The following FBXO40 variants were observed in gnomAD, a reference collection of about 807,000 sequenced individuals.
FBXO40 encodes the protein F-box protein 40.
In FBXO40, 50 loss-of-function variants were observed where a neutral mutation model predicts 49.9. The observed-to-expected ratio is 1.00, with a 90% CI of 0.80 to 1.27. The LOEUF is 1.27. FBXO40 is among the 50% of genes most tolerant of loss of function. The pLI is 0.00. For synonymous variants in FBXO40, 340 were observed against 320.2 expected (o/e 1.06, Z -0.66); for missense variants, 895 against 870.1 (o/e 1.03, Z -0.36).
chr3:121,601,363 C>G (rs1005564289), intron 1 of FBXO40, among the ~76,000 whole-genome samples: 4 of 151,440 alleles, frequency 2.6e-5, no homozygotes, highest in African/African-American at 9.7e-5. Context: ...AGTCACTCAT[C>G]GGGTGTAGCT....
chr3:121,596,919 G>A (rs1026567346), intron 1 of FBXO40, among the ~76,000 whole-genome samples: 5 of 152,130 alleles, frequency 3.3e-5, no homozygotes, highest in South Asian at 2.1e-4. Flanking sequence ...CAATGTTCTC[G>A]TTGACTGAGT....
rs1200661274 is a variant in FBXO40, at chr3:121,621,772, A to C, written c.343A>C (p.Ile115Leu). The C allele has an allele frequency of 1.2e-6, 2 of 1,614,106 alleles. No homozygotes were observed. Among genetic ancestry groups the C allele is most frequent in the Non-Finnish European group, 1.7e-6 (2 of 1,180,028 alleles). Residue 115 changes from isoleucine to leucine, a missense_variant, in exon 3 of 4, where the codon ATC becomes CTC. Ile to Leu is a conservative substitution (Grantham distance 5). Coordinates refer to ENST00000338040, the MANE Select transcript of FBXO40 (RefSeq NM_016298.4). The stretch of plus-strand genomic sequence containing the variant: ...CTCTGAAACCACCCTTCATGAAAAC[A>C]TCATGAAAGAGACCCCCAGTGAGGA... ...VDSETTLHEN[I>L]MKETPSEECL...
At chr3:121,612,710 G>A (rs150101492) in intron 1 of FBXO40, among the ~76,000 whole-genome samples, 122 of 152,154 alleles carry the variant, frequency 8.0e-4, no homozygotes, top group African/African-American at 2.8e-3. Context: ...GTTAGGGGCC[G>A]CTGTAACACC....
intron 1 of FBXO40, among the ~76,000 whole-genome samples, chr3:121,610,864 C>A (rs61798093): frequency 0.12 from 17,829 of 152,150 alleles, 1,521 homozygotes; most frequent in Admixed American, 0.3. Flanking sequence ...TGGTCTCAAA[C>A]TCCTGACCTC....
chr3:121,612,983 T>G lies in FBXO40; in HGVS notation c.-30-7563T>G, dbSNP rs1021520446. ...TACTCGGGAGGCTGAGGCGGGAGAATGGCGAGAACCCGGGAGGCGGAGCTT... is the reference window on the plus strand; with the variant it reads ...TACTCGGGAGGCTGAGGCGGGAGAAGGGCGAGAACCCGGGAGGCGGAGCTT... On this transcript the variant is annotated intron_variant, in intron 1 of 3. Transcript: ENST00000338040. Among the ~76,000 whole-genome samples, 9 of 147,292 alleles carry G rather than the reference T, an allele frequency of 6.1e-5. No homozygotes were observed. The South Asian group carries it at 8.6e-4, about 14-fold the overall frequency.
chr3:121,622,953 G>C lies in FBXO40; in HGVS notation c.1524G>C (p.Gln508His). 6.2e-7 allele frequency: 1 copy of C among 1,614,206 alleles called. No individual in the cohort carries two copies. Among genetic ancestry groups the C allele is most frequent in the Non-Finnish European group, 8.5e-7 (1 of 1,180,050 alleles). Reference protein sequence around the residue: ...DIQSCLNGWFQHRCPLAYLGC... With the variant: ...DIQSCLNGWFHHRCPLAYLGC... Reference sequence around the variant, plus strand: ...AGTCATGTCTCAATGGCTGGTTCCAGCATCGATGCCCCCTCGCCTACTTGG... The same window carrying C: ...AGTCATGTCTCAATGGCTGGTTCCACCATCGATGCCCCCTCGCCTACTTGG... Residue 508 changes from glutamine to histidine, a missense_variant, in exon 3 of 4, where the codon CAG (glutamine) becomes CAC (histidine). Gln to His is a conservative substitution (Grantham distance 24). Coordinates refer to ENST00000338040, the MANE Select transcript of FBXO40 (RefSeq NM_016298.4).
intron 1 of FBXO40, among the ~76,000 whole-genome samples, chr3:121,614,623 C>A (rs2108848697): frequency 6.6e-6 from 1 of 152,182 alleles, no homozygotes; most frequent in Non-Finnish European, 1.5e-5. Flanking sequence ...TCTCATAGGG[C>A]CAAATCCGTT....
chr3:121,603,581 AT>A (rs1207572637), intron 1 of FBXO40, among the ~76,000 whole-genome samples: 1 of 152,176 alleles, frequency 6.6e-6, no homozygotes, highest in African/African-American at 2.4e-5. Context: ...ATATTCTGTA[AT>A]TATAAGTGGT....
intron 1 of FBXO40, among the ~76,000 whole-genome samples, chr3:121,616,097 C>T (rs1192828803): frequency 1.3e-5 from 2 of 152,162 alleles, no homozygotes; most frequent in Non-Finnish European, 1.5e-5. Flanking sequence ...AGCCACCCTG[C>T]TCTGTTCCTC....
intron 1 of FBXO40, among the ~76,000 whole-genome samples, chr3:121,598,877 C>T (rs1211092686): frequency 3.3e-5 from 5 of 151,914 alleles, no homozygotes; most frequent in Non-Finnish European, 7.4e-5. Flanking sequence ...CAAGTTGCTG[C>T]CCCCTTGCCA....
chr3:121,623,163 G>T lies in FBXO40; in HGVS notation c.1734G>T (p.Leu578=), dbSNP rs937419148. 5.0e-6 allele frequency: 8 copies of T among 1,614,074 alleles called. No homozygotes were observed. The highest frequency in any genetic ancestry group is 3.3e-5 in the Admixed American group (2 of 60,006). ...KSQNSLTSLP[L]EILKYIAGFL... ...AGAATTCTTTAACCAGCCTGCCCCT[G>T]GAGATTTTGAAGTACATTGCTGGGT... The change falls in exon 3 of 4, where the codon CTG becomes CTT. Residue 578 remains leucine, a synonymous_variant. Transcript: ENST00000338040.
At chr3:121,599,705 C>CACATAT (rs1214125029) in intron 1 of FBXO40, among the ~76,000 whole-genome samples, 4 of 59,534 alleles carry the variant, frequency 6.7e-5, no homozygotes, top group African/African-American at 2.4e-4. Flanking sequence ...CACACACACA[C>CACATAT]ATATATATAT....
At chr3:121,615,448 G>A (rs2108849017) in intron 1 of FBXO40, among the ~76,000 whole-genome samples, 1 of 151,132 alleles carries the variant, frequency 6.6e-6, no homozygotes, top group Admixed American at 6.6e-5. Flanking sequence ...CCCAGCTACT[G>A]GGAGGTTGAG....
intron 1 of FBXO40, among the ~76,000 whole-genome samples, chr3:121,612,215 C>A (rs147971297): frequency 0.012 from 1,846 of 152,150 alleles, 36 homozygotes; most frequent in African/African-American, 0.034. Context: ...GTACATGTAC[C>A]CATAGAGTGC....
intron 1 of FBXO40, among the ~76,000 whole-genome samples, chr3:121,611,224 C>A (rs1454433368): frequency 6.6e-6 from 1 of 152,140 alleles, no homozygotes; most frequent in Non-Finnish European, 1.5e-5. Context: ...CCCAGGGGAC[C>A]AGCGCTTAGC....
At chr3:121,602,239 T>G (rs1055873045) in intron 1 of FBXO40, among the ~76,000 whole-genome samples, 2 of 152,190 alleles carry the variant, frequency 1.3e-5, no homozygotes, top group Admixed American at 1.3e-4. Context: ...CCAATTTCTA[T>G]TCTGTTTTTA....
chr3:121,626,501 A>T (rs895219117), intron 3 of FBXO40, among the ~76,000 whole-genome samples, 194 bp from the exon 4 acceptor site: 7 of 152,158 alleles, frequency 4.6e-5, no homozygotes, highest in African/African-American at 1.7e-4. Context: ...CTGGTTGGGA[A>T]GATTATTGGT....
intron 1 of FBXO40, among the ~76,000 whole-genome samples, chr3:121,611,722 CA>C (rs1260276269): frequency 1.3e-5 from 2 of 152,256 alleles, no homozygotes; most frequent in African/African-American, 2.4e-5. Context: ...GGCCATATTT[CA>C]GACTATCACA....
intron 1 of FBXO40, among the ~76,000 whole-genome samples, chr3:121,615,924 T>C (rs541701364): frequency 6.6e-6 from 1 of 152,310 alleles, no homozygotes; most frequent in East Asian, 1.9e-4. Flanking sequence ...GTCACTCTGG[T>C]CATGTCTTAT....
Sources: gnomAD v4.1 joint callset for allele counts (sites outside exome capture counted in the v4.1 genomes callset) on GRCh38, gnomAD v4.1.1 for gene constraint, MANE v1.5 for transcripts, NCBI Gene and HGNC (gene_info 2026-07-23, HGNC 2026-07-21) for gene names.